SMG7: variants seen among roughly 807,000 people sequenced by gnomAD.
SMG7 encodes the protein nonsense-mediated mRNA decay factor SMG7.
SMG7 carries 34 observed loss-of-function variants against 148.2 expected under a neutral mutation model. The observed-to-expected ratio is 0.23, with a 90% CI of 0.17 to 0.31. The LOEUF (loss-of-function observed/expected upper bound fraction) is 0.31, where lower values mean the gene tolerates loss of function less well. Among genes scored for constraint, SMG7 ranks in the 10% least tolerant of loss-of-function variants. The probability of loss-of-function intolerance (pLI) is 1.00; values close to 1 mark genes in which losing one functional copy is unlikely to be tolerated. For missense variants in SMG7, 1,114 were observed against 1,408.4 expected (o/e 0.79, Z 3.35); for synonymous variants, 492 against 515.1 (o/e 0.96, Z 0.61).
At chr1:183,501,508 C>CG (rs1297344522) in intron 1 of SMG7, among the ~76,000 whole-genome samples, 1 of 152,202 alleles carries the variant, frequency 6.6e-6, no homozygotes, top group East Asian at 1.9e-4. Context: ...ATAATAATAA[C>CG]TTACTTTGTC....
intron 1 of SMG7, among the ~76,000 whole-genome samples, chr1:183,501,610 G>C (rs1659732729): frequency 6.6e-6 from 1 of 152,180 alleles, no homozygotes; most frequent in Non-Finnish European, 1.5e-5. Flanking sequence ...GGTGCAGAAA[G>C]TGTGACTCCC....
At chr1:183,520,324 A>T (rs1463428538) in intron 4 of SMG7, among the ~76,000 whole-genome samples, 1 of 152,140 alleles carries the variant, frequency 6.6e-6, no homozygotes, top group Non-Finnish European at 1.5e-5. Context: ...TCTACATGTT[A>T]ATTGAGTAGT....
At chr1:183,521,004 G>A (rs897766097) in intron 4 of SMG7, among the ~76,000 whole-genome samples, 27 of 151,522 alleles carry the variant, frequency 1.8e-4, no homozygotes, top group Admixed American at 1.2e-3. Flanking sequence ...TGTAGAATAA[G>A]CATCAATAAA....
chr1:183,526,156 A>ATTT (rs369153968), intron 4 of SMG7, among the ~76,000 whole-genome samples: 20,602 of 96,348 alleles, frequency 0.21, 1,845 homozygotes, highest in African/African-American at 0.36. Flanking sequence ...ATATATATAT[A>ATTT]TTTTTTTTTT....
chr1:183,516,742 T>C (rs1663638115), intron 3 of SMG7, among the ~76,000 whole-genome samples: 2 of 152,222 alleles, frequency 1.3e-5, no homozygotes. Flanking sequence ...GGAAGTCGAG[T>C]AATACAGCTA....
chr1:183,498,194 A>G (rs1054788297), intron 1 of SMG7, among the ~76,000 whole-genome samples: 1 of 152,192 alleles, frequency 6.6e-6, no homozygotes, highest in Non-Finnish European at 1.5e-5. Flanking sequence ...GTTGAACTTT[A>G]TTTCTCCCTA....
At chr1:183,477,812 A>G (rs567815297) in intron 1 of SMG7, among the ~76,000 whole-genome samples, 54 of 148,396 alleles carry the variant, frequency 3.6e-4, no homozygotes, top group African/African-American at 1.4e-3. Context: ...ATATGTGTCT[A>G]TGCACATATG....
intron 8 of SMG7, among the ~76,000 whole-genome samples, chr1:183,531,278 A>G (rs1466811025): frequency 6.6e-6 from 1 of 152,082 alleles, no homozygotes; most frequent in Non-Finnish European, 1.5e-5. Context: ...CCACTAAGGG[A>G]TTTAAGGCCT....
At chr1:183,502,162 A>T (rs1659875859) in intron 1 of SMG7, 1 of 833,248 alleles carries the variant, frequency 1.2e-6, no homozygotes, top group South Asian at 4.2e-5. Context: ...TTTCACATGA[A>T]GTCATTTCAA....
chr1:183,549,346 T>C, intron 19 of SMG7, 58 bp downstream of exon 19: 1 of 1,184,816 alleles, frequency 8.4e-7, no homozygotes, highest in East Asian at 2.3e-5. Flanking sequence ...ATCATTGTCT[T>C]TCTCATACTG....
chr1:183,533,273 A>C lies in SMG7; in HGVS notation c.953A>C (p.His318Pro). 1.9e-6 allele frequency: 3 copies of C among 1,614,016 alleles called. No individual in the cohort carries two copies. The highest frequency in any genetic ancestry group is 2.5e-6 in the Non-Finnish European group (3 of 1,179,872). ...GACTTTAGCAATGAAACCGAGCAGCACACTTATAGCCAAGATGAGCAGCTA... is the reference window on the plus strand; with the variant it reads ...GACTTTAGCAATGAAACCGAGCAGCCCACTTATAGCCAAGATGAGCAGCTA... ...LRDFSNETEQ[H>P]TYSQDEQLCW... The change falls in exon 9 of 23, where the codon CAC (histidine) becomes CCC (proline). Residue 318 changes from histidine to proline, a missense_variant. By Grantham distance (77) the His-to-Pro change is moderately conservative. Around this residue, in one of 4 missense-constraint regions of SMG7, gnomAD observed 102 missense variants for 147.2 expected, o/e 0.69. Coordinates refer to ENST00000688051, the MANE Select transcript of SMG7 (RefSeq NM_001375584.1).
intron 1 of SMG7, among the ~76,000 whole-genome samples, chr1:183,484,189 G>A (rs1027830144): frequency 6.6e-6 from 1 of 152,030 alleles, no homozygotes; most frequent in East Asian, 1.9e-4. Flanking sequence ...ACCAAAATCT[G>A]TAGGTGCTCC....
intron 1 of SMG7, among the ~76,000 whole-genome samples, chr1:183,491,595 C>G (rs1037787683): frequency 6.6e-6 from 1 of 151,888 alleles, no homozygotes; most frequent in African/African-American, 2.4e-5. Flanking sequence ...CTTGTCTTTT[C>G]GGTTTTTAAT....
chr1:183,480,533 C>G (rs560810573), intron 1 of SMG7, among the ~76,000 whole-genome samples: 1 of 152,022 alleles, frequency 6.6e-6, no homozygotes, highest in African/African-American at 2.4e-5. Context: ...CTCTGTGTGT[C>G]CCCCTCTCTT....
intron 1 of SMG7, among the ~76,000 whole-genome samples, chr1:183,502,936 A>T (rs1322177831): frequency 6.6e-6 from 1 of 152,240 alleles, no homozygotes; most frequent in Admixed American, 6.5e-5. Context: ...AAATGCAAAG[A>T]TGCTTGATCT....
rs572069718 is a variant in SMG7, at chr1:183,527,582, C to T, written c.485-374C>T. ...AAAATATTGAAAAATACATAATTTTCAGATCATATTGTATAGTGTATTTTG... is the reference window on the plus strand; with the variant it reads ...AAAATATTGAAAAATACATAATTTTTAGATCATATTGTATAGTGTATTTTG... On this transcript the variant is annotated intron_variant, in intron 5 of 22. Transcript: ENST00000688051. The surrounding 1 kb of genome is among the most constrained non-coding windows in gnomAD (Gnocchi z 4.0). 23 of 458,676 alleles carry T rather than the reference C, an allele frequency of 5.0e-5. No homozygotes were observed. Among genetic ancestry groups the T allele is most frequent in the Non-Finnish European group, 2.2e-5 (5 of 222,718 alleles). 28.4% of individuals were successfully genotyped at this position (458,676 alleles called of 1,614,324 possible).
intron 6 of SMG7, 75 bp downstream of exon 6, chr1:183,528,102 T>C (rs1055614401): frequency 5.4e-6 from 6 of 1,112,722 alleles, no homozygotes; most frequent in African/African-American, 4.7e-5. Flanking sequence ...AACTCAGGGC[T>C]CACCTTTGAA....
Position 183,532,859 on chromosome 1 carries a change from A to T in SMG7, c.844-305A>T, listed in dbSNP as rs187207961. 2.6e-5 allele frequency among the ~76,000 whole-genome samples: 4 copies of T among 152,342 alleles called. No individual in the cohort carries two copies. In the East Asian group the frequency reaches 7.7e-4, roughly 29 times the overall value. ...AGGATTAAGTTGTATAAATTTATGG[A>T]TGAACACTCAAAGACTTTTGTCAGG... On this transcript the variant is annotated intron_variant, in intron 8 of 22. Coordinates refer to ENST00000688051, the MANE Select transcript of SMG7 (RefSeq NM_001375584.1).
In SMG7 at chr1:183,525,368, G is replaced by C. The variant is rs1013800111; in HGVS notation, c.313-1228G>C. 6.6e-5 allele frequency among the ~76,000 whole-genome samples: 10 copies of C among 152,170 alleles called. No individual in the cohort carries two copies. The East Asian group carries it at 1.9e-3, about 29-fold the overall frequency. ...ATTGTCTGATAGTAGTTTCAGTAGA[G>C]TGGTAATGGATGGTTGGGTGAGAGG... On this transcript the variant is annotated intron_variant, in intron 4 of 22. Coordinates refer to ENST00000688051, the MANE Select transcript of SMG7 (RefSeq NM_001375584.1).
Sources: gnomAD v4.1 joint callset for allele counts (sites outside exome capture counted in the v4.1 genomes callset) on GRCh38, gnomAD v4.1.1 for gene constraint, gnomAD v4.1.1 regional missense constraint, Gnocchi (gnomAD v3.1) non-coding constraint, MANE v1.5 for transcripts, NCBI Gene and HGNC (gene_info 2026-07-23, HGNC 2026-07-21) for gene names.